ZNF664: variants seen among roughly 807,000 people sequenced by gnomAD.
ZNF664 encodes zinc finger protein 664.
Under a neutral mutation model 18.2 loss-of-function variants are expected in ZNF664, and 10 were observed. The observed-to-expected ratio is 0.55, with a 90% CI of 0.34 to 0.93. The LOEUF is 0.93. Ranked by LOEUF, ZNF664 falls within the 40% of genes least tolerant of loss-of-function variation. The pLI is 0.02. For synonymous variants in ZNF664, 119 were observed against 104.2 expected (o/e 1.14, Z -0.86); for missense variants, 193 against 319.0 (o/e 0.61, Z 3.01).
intron 3 of ZNF664, among the ~76,000 whole-genome samples, chr12:123,996,728 G>A (rs1956952669): frequency 6.6e-6 from 1 of 152,186 alleles, no homozygotes; most frequent in Non-Finnish European, 1.5e-5. Context: ...TTTTGCAGTG[G>A]CCAATTAGAT....
chr12:124,011,459 C>T lies in ZNF664; in HGVS notation c.-600+18C>T. On this transcript the variant is annotated intron_variant, in intron 4 of 4. Transcript: ENST00000337815. ...CAAAAAAGGTTTGTGTTACTGCTGT[C>T]ACATTTATATAAAATTAATTTTGGA... 2 of 804,948 alleles carry T rather than the reference C, an allele frequency of 2.5e-6. No homozygotes were observed. The highest frequency in any genetic ancestry group is 5.9e-4 in the Middle Eastern group (1 of 1,702). The allele number at this position is 804,948 out of a possible 1,614,324, so 49.9% of individuals were successfully genotyped here. A position where few individuals can be genotyped will look rare whatever the true frequency, so the allele number is the denominator to read the frequency against.
intron 3 of ZNF664, among the ~76,000 whole-genome samples, chr12:124,000,491 C>T (rs1956998848): frequency 6.6e-6 from 1 of 152,178 alleles, no homozygotes; most frequent in African/African-American, 2.4e-5. Context: ...TGGAATTCCT[C>T]TCATTTTTAT....
At chr12:124,002,229 A>G (rs1957020722) in intron 3 of ZNF664, among the ~76,000 whole-genome samples, 1 of 152,114 alleles carries the variant, frequency 6.6e-6, no homozygotes, top group African/African-American at 2.4e-5. Context: ...GAAGGTACTG[A>G]GGGCACATGA....
chr12:124,008,115 A>G (rs563523766), intron 3 of ZNF664, among the ~76,000 whole-genome samples: 3 of 151,548 alleles, frequency 2.0e-5, no homozygotes, highest in Admixed American at 1.3e-4. Context: ...ATTTAGAGCA[A>G]CTCCTCCCAC....
intron 3 of ZNF664, among the ~76,000 whole-genome samples, chr12:124,003,852 A>G (rs1358996174): frequency 6.6e-6 from 1 of 152,190 alleles, no homozygotes; most frequent in Non-Finnish European, 1.5e-5. Context: ...TTTTGGAGGA[A>G]TTTAGGGGCA....
In ZNF664 at chr12:124,012,985, A is replaced by C. The variant is rs1265610903; in HGVS notation, c.*55A>C. On this transcript the variant is annotated 3_prime_UTR_variant, in exon 5 of 5. Transcript: ENST00000337815. ...AACCCATAAGTGCCACTAGGAAGGA[A>C]ACCCTGTATATACCTACATTGACCC... 6.4e-7 allele frequency: 1 copy of C among 1,568,866 alleles called. No individual in the cohort carries two copies. Among genetic ancestry groups the C allele is most frequent in the Non-Finnish European group, 8.6e-7 (1 of 1,159,592 alleles).
At chr12:124,001,564 G>C (rs1406288920) in intron 3 of ZNF664, among the ~76,000 whole-genome samples, 1 of 152,118 alleles carries the variant, frequency 6.6e-6, no homozygotes, top group African/African-American at 2.4e-5. Context: ...ACCCTGCAGA[G>C]GCCTCCTCTA....
At chr12:124,001,755 C>G (rs1309956024) in intron 3 of ZNF664, among the ~76,000 whole-genome samples, 1 of 152,238 alleles carries the variant, frequency 6.6e-6, no homozygotes, top group Non-Finnish European at 1.5e-5. Flanking sequence ...TGTCTCCCCA[C>G]TAGACTGCAG....
intron 2 of ZNF664, among the ~76,000 whole-genome samples, chr12:123,984,356 CAA>C (rs568228806): frequency 8.9e-4 from 135 of 152,148 alleles, no homozygotes; most frequent in African/African-American, 2.7e-3. Flanking sequence ...AGAAGGCCGA[CAA>C]TGAGAGAGGA....
chr12:123,974,049 C>G, intron 2 of ZNF664, 29 bp downstream of exon 2: 1 of 1,006,150 alleles, frequency 9.9e-7, no homozygotes, highest in Non-Finnish European at 1.3e-6. Flanking sequence ...CTGTCCACTT[C>G]CCTCTGACTC....
intron 3 of ZNF664, among the ~76,000 whole-genome samples, chr12:123,991,190 C>T (rs1187548784): frequency 3.3e-5 from 5 of 152,110 alleles, no homozygotes; most frequent in South Asian, 4.2e-4. Context: ...GTGGGGTTCA[C>T]GTAGGGGCTA....
intron 2 of ZNF664, among the ~76,000 whole-genome samples, chr12:123,979,802 A>G (rs1956740370): frequency 6.6e-6 from 1 of 151,820 alleles, no homozygotes; most frequent in Admixed American, 6.6e-5. Flanking sequence ...CAGCCTCTCA[A>G]GTAGCTGGGA....
intron 2 of ZNF664, among the ~76,000 whole-genome samples, chr12:123,976,803 C>T (rs941934371): frequency 6.6e-6 from 1 of 151,968 alleles, no homozygotes; most frequent in African/African-American, 2.4e-5. Context: ...AAAAAAGATC[C>T]TGGCCATGCA....
At chr12:123,977,034 C>G (rs541322891) in intron 2 of ZNF664, among the ~76,000 whole-genome samples, 1 of 152,256 alleles carries the variant, frequency 6.6e-6, no homozygotes, top group East Asian at 1.9e-4. Flanking sequence ...GAGCGGAGAT[C>G]ATGCCACTGC....
intron 3 of ZNF664, among the ~76,000 whole-genome samples, chr12:123,993,822 T>A (rs1956915651): frequency 7.3e-6 from 1 of 136,596 alleles, no homozygotes; most frequent in Admixed American, 7.2e-5. Flanking sequence ...CTTTGATTTC[T>A]GGGACTTCCT....
intron 3 of ZNF664, among the ~76,000 whole-genome samples, chr12:123,994,575 TTTGG>T (rs1200056121): frequency 6.6e-6 from 1 of 152,186 alleles, no homozygotes; most frequent in Non-Finnish European, 1.5e-5. Context: ...AATATGTTGT[TTTGG>T]TTGAAGTAGA....
In ZNF664 at chr12:123,980,605, AC is replaced by A. The variant is rs952670106; in HGVS notation, c.-757+6586del. ...GTGGCAAATAACATTGCCATTAAAA[AC>A]GTTTATGAAGAAAATATATTAAAAT... On this transcript the variant is annotated intron_variant, in intron 2 of 4. Coordinates refer to ENST00000337815, the MANE Select transcript of ZNF664 (RefSeq NM_152437.3). 7.4e-4 allele frequency among the ~76,000 whole-genome samples: 112 copies of A among 152,348 alleles called. 1 individual carries two copies. The Middle Eastern group carries it at 0.01, about 14-fold the overall frequency.
intron 3 of ZNF664, among the ~76,000 whole-genome samples, chr12:123,997,459 G>GAGA (rs1956963149): frequency 6.6e-6 from 1 of 152,190 alleles, no homozygotes; most frequent in Non-Finnish European, 1.5e-5. Context: ...GGCTTTACAG[G>GAGA]AGAATCCTTT....
At position 124,011,434 on chromosome 12, in the gene ZNF664, C is replaced by CA; in HGVS notation, c.-601dup. 1 of 985,266 alleles carries CA rather than the reference C, an allele frequency of 1.0e-6. No individual in the cohort carries two copies. Among genetic ancestry groups the CA allele is most frequent in the Non-Finnish European group, 1.2e-6 (1 of 829,898 alleles). The allele number at this position is 985,266 out of a possible 1,614,324, so 61.0% of individuals were successfully genotyped here. A position where few individuals can be genotyped will look rare whatever the true frequency, so the allele number is the denominator to read the frequency against. ...GAAGATAAGAGAGCTTCTTCAAGAC[C>CA]AAAAAAGGTTTGTGTTACTGCTGTC... On this transcript the variant is annotated 5_prime_UTR_variant, in exon 4 of 5. Transcript: ENST00000337815.
Sources: allele counts gnomAD v4.1 joint callset (sites outside exome capture counted in the v4.1 genomes callset), GRCh38; gene constraint gnomAD v4.1.1; transcripts MANE v1.5; gene names NCBI Gene and HGNC (gene_info 2026-07-23, HGNC 2026-07-21).